Variants in SYTL2 observed in about 807,000 individuals in gnomAD.
The protein encoded by SYTL2 is synaptotagmin like 2, also known as synaptotagmin-like protein 2.
A neutral mutation model predicts 198.7 loss-of-function variants in SYTL2; 165 were observed. That is an observed-to-expected ratio of 0.83 (90% confidence interval 0.73 to 0.94). SYTL2 has a LOEUF of 0.94. Among genes scored for constraint, SYTL2 ranks in the 40% least tolerant of loss-of-function variants. The pLI, the probability that SYTL2 is intolerant of heterozygous loss-of-function variation, is 0.00. For missense variants in SYTL2, 2,835 were observed against 2,582.8 expected, an observed-to-expected ratio of 1.10 and a Z score of -2.12; for synonymous variants, 966 against 917.7, an observed-to-expected ratio of 1.05 and a Z score of -0.95.
intron 11 of SYTL2, chr11:85,716,578 T>A (rs1250645877): frequency 6.6e-6 from 1 of 152,132 alleles, no homozygotes; most frequent in African/African-American, 2.4e-5. Context: ...CAAAGACTGT[T>A]GGGAAATTAT....
At chr11:85,740,491 C>T (rs1398722823) in intron 4 of SYTL2, among the ~76,000 whole-genome samples, 4 of 152,168 alleles carry the variant, frequency 2.6e-5, no homozygotes, top group Non-Finnish European at 4.4e-5. Context: ...TATTTGCTAT[C>T]ATGTGGTCAT....
At chr11:85,810,750 T>G (rs2093021486) in intron 1 of SYTL2, among the ~76,000 whole-genome samples, 1 of 152,332 alleles carries the variant, frequency 6.6e-6, no homozygotes, top group East Asian at 1.9e-4. Context: ...GAGGTGGCTC[T>G]GGAGTAGGTG....
chr11:85,727,245 C>T lies in SYTL2; in HGVS notation c.2113G>A (p.Glu705Lys). The change falls in exon 8 of 20, where the codon GAA (glutamate) becomes AAA (lysine). Residue 705 changes from glutamate (E) to lysine (K), a missense_variant. Around this residue, in one of 3 missense-constraint regions of SYTL2, gnomAD observed 2,645 missense variants for 2,381.7 expected, o/e 1.11. Coordinates refer to ENST00000359152, the MANE Select transcript of SYTL2 (RefSeq NM_206927.4). ...EEEPKFHAHEENRGHSEVNFD... is the reference protein window; with the variant it reads ...EEEPKFHAHEKNRGHSEVNFD... ...TTCACTTCTGAGTGTCCTCTATTTT[C>T]TTCATGAGCATGAAACTTGGGTTCT... The T allele has an allele frequency of 6.5e-7, 1 of 1,535,632 alleles. No homozygotes were observed. The highest frequency in any genetic ancestry group is 2.0e-5 in the Admixed American group (1 of 50,874).
chr11:85,704,797 T>G, intron 16 of SYTL2, 61 bp downstream of exon 16: 1 of 1,399,658 alleles, frequency 7.1e-7, no homozygotes, highest in East Asian at 2.3e-5. Context: ...TTAAGCTTTT[T>G]CCTATACACT....
chr11:85,774,302 T>C (rs1489089175), intron 1 of SYTL2, among the ~76,000 whole-genome samples: 1 of 152,190 alleles, frequency 6.6e-6, no homozygotes, highest in African/African-American at 2.4e-5. Context: ...GTAGGCACCA[T>C]CACCCGCATT....
chr11:85,703,692 T>C (rs1245539430), intron 16 of SYTL2, among the ~76,000 whole-genome samples: 1 of 152,110 alleles, frequency 6.6e-6, no homozygotes, highest in East Asian at 1.9e-4. Context: ...AAGGCAAATA[T>C]GTGGTTAAAT....
chr11:85,803,173 T>C (rs1456701119), intron 1 of SYTL2, among the ~76,000 whole-genome samples: 2 of 152,210 alleles, frequency 1.3e-5, no homozygotes, highest in Non-Finnish European at 2.9e-5. Flanking sequence ...TGATACTATT[T>C]CAAAAAGGTT....
rs2083220820 is a variant in SYTL2, at chr11:85,695,008, T to C, written c.*187A>G. 1 of 437,120 alleles carries C rather than the reference T, an allele frequency of 2.3e-6. No individual in the cohort carries two copies. Among genetic ancestry groups the C allele is most frequent in the Admixed American group, 4.1e-5 (1 of 24,290 alleles). The allele number at this position is 437,120 out of a possible 1,614,324, so 27.1% of individuals were successfully genotyped here. On this transcript the variant is annotated 3_prime_UTR_variant, in exon 20 of 20. Coordinates refer to ENST00000359152, the MANE Select transcript of SYTL2 (RefSeq NM_206927.4). ...ATATTAGAGTCACAAATTACACATT[T>C]TGTTATATTTAAATCCCTTGGGCCT...
At chr11:85,802,755 T>C (rs1171524392) in intron 1 of SYTL2, among the ~76,000 whole-genome samples, 1 of 152,202 alleles carries the variant, frequency 6.6e-6, no homozygotes, top group African/African-American at 2.4e-5. Context: ...GAGGCTTTAA[T>C]ATATTTATTA....
At chr11:85,703,329 A>C (rs2153387464) in intron 16 of SYTL2, among the ~76,000 whole-genome samples, 1 of 152,268 alleles carries the variant, frequency 6.6e-6, no homozygotes, top group Non-Finnish European at 1.5e-5. Context: ...AGAAAACTAC[A>C]CCTAGGCTCA....
At chr11:85,837,802 A>G in the SYTL2 span, among the ~76,000 whole-genome samples, 1 of 152,158 alleles carries the variant, frequency 6.6e-6, no homozygotes. Flanking sequence ...ATAATGATGG[A>G]GCACTTTACT....
intron 12 of SYTL2, among the ~76,000 whole-genome samples, chr11:85,713,471 G>T (rs1265190658): frequency 1.3e-5 from 2 of 152,168 alleles, no homozygotes; most frequent in East Asian, 1.9e-4. Context: ...ATGTGTCCAT[G>T]ATCACACAGA....
chr11:85,808,278 G>C lies in SYTL2; in HGVS notation c.-390+2676C>G, dbSNP rs574739933. ...GATGGGGTTTCACTATATTGGCCAG[G>C]CTGGTCTCGAACTCCTGACCTTGTG... On this transcript the variant is annotated intron_variant, in intron 1 of 19. Transcript: ENST00000359152. Among the ~76,000 whole-genome samples, 19 of 152,138 alleles carry C rather than the reference G, an allele frequency of 1.2e-4. No individual in the cohort carries two copies. The South Asian group carries it at 2.3e-3, about 18-fold the overall frequency.
At chr11:85,728,022 TAATC>T (rs2089411479) in intron 7 of SYTL2, 55 bp from the exon 8 acceptor site, 1 of 1,440,560 alleles carries the variant, frequency 6.9e-7, no homozygotes. Context: ...AAAGAACTGT[TAATC>T]ATTCACATCA....
At chr11:85,796,264 T>C (rs1294232060) in intron 1 of SYTL2, among the ~76,000 whole-genome samples, 2 of 152,142 alleles carry the variant, frequency 1.3e-5, no homozygotes, top group African/African-American at 2.4e-5. Context: ...ATTTCTACCT[T>C]TGAAGATCTT....
intron 1 of SYTL2, among the ~76,000 whole-genome samples, chr11:85,808,678 C>CT (rs1430913997): frequency 6.6e-6 from 1 of 152,034 alleles, no homozygotes; most frequent in African/African-American, 2.4e-5. Flanking sequence ...GAAGAAAAAA[C>CT]TTTATATTTT....
chr11:85,701,796 T>C (rs1489580916), intron 16 of SYTL2, among the ~76,000 whole-genome samples: 4 of 152,198 alleles, frequency 2.6e-5, no homozygotes, highest in Non-Finnish European at 4.4e-5. Context: ...ACCCCTAAAC[T>C]AATAACAATT....
intron 1 of SYTL2, among the ~76,000 whole-genome samples, chr11:85,790,426 C>T (rs2092711998): frequency 1.3e-5 from 2 of 152,224 alleles, no homozygotes; most frequent in African/African-American, 4.8e-5. Flanking sequence ...CTAGACTTCA[C>T]TTGCTTTACT....
rs549117943 is a variant in SYTL2, at chr11:85,735,582, C to T, written c.587-840G>A. On this transcript the variant is annotated intron_variant, in intron 6 of 19. Transcript: ENST00000359152. ...GACCAGCCTGGCCAAAAGGGTGAAA[C>T]CTCATTTCTACTAAAAATACAAAAA... 1.3e-5 allele frequency among the ~76,000 whole-genome samples: 2 copies of T among 152,006 alleles called. 1 individual carries two copies. The highest frequency in any genetic ancestry group is 2.9e-5 in the Non-Finnish European group (2 of 68,010).
Sources: gnomAD v4.1 joint callset for allele counts (sites outside exome capture counted in the v4.1 genomes callset) on GRCh38, gnomAD v4.1.1 for gene constraint, gnomAD v4.1.1 regional missense constraint, MANE v1.5 for transcripts, NCBI Gene and HGNC (gene_info 2026-07-23, HGNC 2026-07-21) for gene names.